Variants in LARP1B observed in about 807,000 individuals in gnomAD.
The protein encoded by LARP1B is la-related protein 1B.
A neutral mutation model predicts 114.2 loss-of-function variants in LARP1B; 76 were observed. That is an observed-to-expected ratio of 0.67 (90% CI 0.55 to 0.81). The LOEUF (loss-of-function observed/expected upper bound fraction) is 0.81, where lower values mean the gene tolerates loss of function less well. LARP1B is among the 30% of genes least tolerant of loss of function. The probability of loss-of-function intolerance (pLI) is 0.00; values close to 1 mark genes in which losing one functional copy is unlikely to be tolerated. For missense variants in LARP1B, 1,014 were observed against 1,075.8 expected, an observed-to-expected ratio of 0.94 and a Z score of 0.80; for synonymous variants, 345 against 348.0, an observed-to-expected ratio of 0.99 and a Z score of 0.10.
intron 11 of LARP1B, among the ~76,000 whole-genome samples, chr4:128,137,792 T>TATATATATATA (rs1491094237): frequency 1.1e-4 from 5 of 47,308 alleles, no homozygotes; most frequent in African/African-American, 2.5e-4. Flanking sequence ...TATATATATA[T>TATATATATATA]TTTTTTTTTA....
Position 128,210,616 on chromosome 4 carries a change from A to T in LARP1B, c.*563A>T. The T allele has an allele frequency of 1.1e-6, 1 of 935,450 alleles. No individual in the cohort carries two copies. Among genetic ancestry groups the T allele is most frequent in the Non-Finnish European group, 1.3e-6 (1 of 784,562 alleles). The allele number at this position is 935,450 out of a possible 1,614,324, so 57.9% of individuals were successfully genotyped here. On this transcript the variant is annotated 3_prime_UTR_variant, in exon 20 of 20. Transcript: ENST00000326639. ...AGTATCCCTTTGAGACATATAGTTTAAAGAAAACTTTTTTTAAAACAAAAG... is the reference window on the plus strand; with the variant it reads ...AGTATCCCTTTGAGACATATAGTTTTAAGAAAACTTTTTTTAAAACAAAAG...
intron 1 of LARP1B, among the ~76,000 whole-genome samples, chr4:128,073,188 C>T (rs1021639349): frequency 1.1e-4 from 16 of 151,774 alleles, no homozygotes; most frequent in African/African-American, 2.9e-4. Flanking sequence ...CCGAGGTGGG[C>T]GGATTACTTG....
chr4:128,204,121 T>C (rs555862752), intron 17 of LARP1B, among the ~76,000 whole-genome samples: 3 of 152,178 alleles, frequency 2.0e-5, no homozygotes, highest in Non-Finnish European at 4.4e-5. Context: ...AATATAAATG[T>C]TGTATTGTCA....
chr4:128,064,107 A>T (rs886540666), intron 1 of LARP1B, among the ~76,000 whole-genome samples: 4 of 151,986 alleles, frequency 2.6e-5, no homozygotes, highest in Admixed American at 2.6e-4. Context: ...CCCCGTCTCT[A>T]CTAAAAATAC....
chr4:128,169,068 T>C (rs761800395), intron 12 of LARP1B, among the ~76,000 whole-genome samples: 35 of 152,174 alleles, frequency 2.3e-4, no homozygotes, highest in Non-Finnish European at 4.4e-5. Flanking sequence ...TATAATATGC[T>C]CTTTTTCTCC....
At chr4:128,193,638 C>CA (rs1466513992) in intron 15 of LARP1B, among the ~76,000 whole-genome samples, 6 of 151,814 alleles carry the variant, frequency 4.0e-5, no homozygotes, top group African/African-American at 1.5e-4. Flanking sequence ...ATTTTTGAGA[C>CA]AGAGTTTCGC....
chr4:128,220,645 G>T (rs1046959925), intron 7 of LARP1B, among the ~76,000 whole-genome samples: 7 of 152,190 alleles, frequency 4.6e-5, no homozygotes, highest in African/African-American at 1.7e-4. Flanking sequence ...CTTGTGTATA[G>T]TTAAAAATGG....
At chr4:128,066,994 G>C (rs1763222991) in intron 1 of LARP1B, among the ~76,000 whole-genome samples, 2 of 151,294 alleles carry the variant, frequency 1.3e-5, no homozygotes, top group Admixed American at 6.6e-5. Context: ...TTTTACTAGA[G>C]ATGGGGTTTT....
intron 11 of LARP1B, among the ~76,000 whole-genome samples, chr4:128,129,606 G>C (rs1414009363): frequency 1.3e-5 from 2 of 152,096 alleles, no homozygotes; most frequent in African/African-American, 4.8e-5. Flanking sequence ...ATTGGAAGAC[G>C]ACACTACCTG....
intron 11 of LARP1B, among the ~76,000 whole-genome samples, chr4:128,143,636 T>C (rs968317424): frequency 1.3e-5 from 2 of 149,506 alleles, no homozygotes; most frequent in African/African-American, 4.9e-5. Flanking sequence ...TGCTGAGATA[T>C]CTCAGTGGAA....
At chr4:128,070,319 CA>C (rs573218058) in intron 1 of LARP1B, among the ~76,000 whole-genome samples, 47 of 139,904 alleles carry the variant, frequency 3.4e-4, no homozygotes, top group East Asian at 6.3e-4. Context: ...GACTCCGTCT[CA>C]AAAAAAAAAA....
intron 18 of LARP1B, 22 bp from the exon 19 acceptor site, chr4:128,207,234 G>A: frequency 8.8e-7 from 1 of 1,142,574 alleles, no homozygotes; most frequent in Non-Finnish European, 1.2e-6. Context: ...AATTCATAAT[G>A]TATATTATTC....
intron 11 of LARP1B, among the ~76,000 whole-genome samples, chr4:128,130,590 A>G (rs775394260): frequency 6.6e-6 from 1 of 152,236 alleles, no homozygotes; most frequent in Non-Finnish European, 1.5e-5. Context: ...CCTGGTGGCA[A>G]TGCAAAACAG....
chr4:128,151,272 C>T (rs1732669076), intron 11 of LARP1B, among the ~76,000 whole-genome samples: 2 of 152,144 alleles, frequency 1.3e-5, no homozygotes, highest in Non-Finnish European at 2.9e-5. Context: ...AAAACAAGTA[C>T]ACTCTCCTAC....
At chr4:128,206,216 A>AG (rs1003325625) in intron 17 of LARP1B, among the ~76,000 whole-genome samples, 2 of 152,072 alleles carry the variant, frequency 1.3e-5, no homozygotes, top group African/African-American at 4.8e-5. Context: ...AGCTTGAACC[A>AG]GGGAGGCGGA....
At chr4:128,066,112 G>A (rs1762685855) in intron 1 of LARP1B, among the ~76,000 whole-genome samples, 1 of 151,052 alleles carries the variant, frequency 6.6e-6, no homozygotes, top group Non-Finnish European at 1.5e-5. Context: ...TGGGACTACA[G>A]GTGTAAGCCA....
At chr4:128,199,679 T>A in intron 16 of LARP1B, 80 bp downstream of exon 16, 2 of 650,468 alleles carry the variant, frequency 3.1e-6, no homozygotes, top group Non-Finnish European at 4.5e-6. Flanking sequence ...TGTCATTTAA[T>A]ATCAGGTTAA....
At chr4:128,187,855 G>T (rs1184896198) in intron 15 of LARP1B, among the ~76,000 whole-genome samples, 1 of 152,132 alleles carries the variant, frequency 6.6e-6, no homozygotes, top group African/African-American at 2.4e-5. Context: ...TTGTCATTGT[G>T]ATAGTGAGTT....
chr4:128,112,348 G>A (rs979444593), intron 9 of LARP1B, among the ~76,000 whole-genome samples: 4 of 151,564 alleles, frequency 2.6e-5, no homozygotes, highest in Admixed American at 1.3e-4. Flanking sequence ...TTTTTTTAGC[G>A]GGGTTGGGAG....
Sources: allele counts gnomAD v4.1 joint callset (sites outside exome capture counted in the v4.1 genomes callset), GRCh38; gene constraint gnomAD v4.1.1; transcripts MANE v1.5; gene names NCBI Gene and HGNC (gene_info 2026-07-23, HGNC 2026-07-21).